ETV6: variants seen among roughly 807,000 people sequenced by gnomAD.
ETV6 encodes ETS variant transcription factor 6, also known as transcription factor ETV6.
A neutral mutation model predicts 51.1 loss-of-function variants in ETV6; 16 were observed. The observed-to-expected ratio is 0.31, with a 90% CI of 0.21 to 0.48. The LOEUF (loss-of-function observed/expected upper bound fraction) is 0.48. Ranked by LOEUF, ETV6 falls within the 20% of genes least tolerant of loss-of-function variation. The probability of loss-of-function intolerance (pLI) is 0.99; values close to 1 mark genes in which losing one functional copy is unlikely to be tolerated. For synonymous variants in ETV6, 240 were observed against 224.1 expected (o/e 1.07, Z -0.64); for missense variants, 458 against 594.8 (o/e 0.77, Z 2.39).
intron 1 of ETV6, among the ~76,000 whole-genome samples, chr12:11,651,322 G>A (rs141305364): frequency 2.6e-5 from 4 of 152,224 alleles, no homozygotes; most frequent in African/African-American, 9.6e-5. Context: ...ACCCTTCCTG[G>A]TTTAACACTG....
chr12:11,733,952 T>C lies in ETV6; in HGVS notation c.34-18498T>C, dbSNP rs573031355. ...TAATCAAAAGAAGCAAATACATGTT[T>C]TTCCCTTGAGAAAACATGGATAGTG... On this transcript the variant is annotated intron_variant, in intron 1 of 7. Transcript: ENST00000396373. Among the ~76,000 whole-genome samples the C allele has an allele frequency of 2.7e-4, 41 of 152,340 alleles. No homozygotes were observed. In the South Asian group the frequency reaches 7.7e-3, roughly 28 times the overall value.
intron 2 of ETV6, among the ~76,000 whole-genome samples, chr12:11,766,684 A>G (rs1421398895): frequency 6.6e-6 from 1 of 151,700 alleles, no homozygotes; most frequent in Non-Finnish European, 1.5e-5. Flanking sequence ...TGACAGCCCT[A>G]TGCTGCCAAG....
At chr12:11,753,354 C>T (rs115720276) in intron 2 of ETV6, among the ~76,000 whole-genome samples, 2 of 152,186 alleles carry the variant, frequency 1.3e-5, no homozygotes, top group African/African-American at 4.8e-5. Flanking sequence ...CTCATACTGC[C>T]ACCCAGCTCA....
chr12:11,763,783 G>A (rs1945125857), intron 2 of ETV6, among the ~76,000 whole-genome samples: 1 of 152,262 alleles, frequency 6.6e-6, no homozygotes, highest in African/African-American at 2.4e-5. Context: ...GCACTGTGCA[G>A]ACGCTGTGTA....
intron 1 of ETV6, among the ~76,000 whole-genome samples, chr12:11,750,500 T>A (rs756751147): frequency 1.3e-5 from 2 of 152,206 alleles, no homozygotes; most frequent in Non-Finnish European, 1.5e-5. Flanking sequence ...CGAAATGCTG[T>A]CTTGTTTTTT....
At chr12:11,718,042 A>T (rs1370683698) in intron 1 of ETV6, among the ~76,000 whole-genome samples, 3 of 152,222 alleles carry the variant, frequency 2.0e-5, no homozygotes, top group Admixed American at 2.0e-4. Context: ...ATGGGGGGAA[A>T]GTCAGGTTTT....
intron 1 of ETV6, among the ~76,000 whole-genome samples, chr12:11,689,733 G>A (rs538181168): frequency 2.7e-5 from 4 of 150,502 alleles, no homozygotes; most frequent in African/African-American, 4.9e-5. Context: ...ATGTATTTCC[G>A]CATTCTGGTT....
In ETV6 at chr12:11,869,320, C is replaced by T. The variant is rs2136538930; in HGVS notation, c.464-104C>T. On this transcript the variant is annotated intron_variant, in intron 4 of 7. Transcript: ENST00000396373. This position sits in a 1 kb window ranked among gnomAD's most constrained non-coding sequence, Gnocchi z 5.0. Reference sequence around the variant, plus strand: ...GCATTCTGGGGAGAAAGGTCCTTTACACATACCTACACGCTCCTCCATTTA... The same window carrying T: ...GCATTCTGGGGAGAAAGGTCCTTTATACATACCTACACGCTCCTCCATTTA... 1.0e-6 allele frequency: 1 copy of T among 970,204 alleles called. No homozygotes were observed. The highest frequency in any genetic ancestry group is 1.5e-6 in the Non-Finnish European group (1 of 645,578). The allele number at this position is 970,204 out of a possible 1,614,324, so 60.1% of individuals were successfully genotyped here. A position where few individuals can be genotyped will look rare whatever the true frequency, so the allele number is the denominator to read the frequency against.
intron 2 of ETV6, among the ~76,000 whole-genome samples, chr12:11,808,908 A>T (rs971598192): frequency 5.3e-5 from 8 of 152,230 alleles, no homozygotes; most frequent in Non-Finnish European, 8.8e-5. Flanking sequence ...TCACACCTGT[A>T]ATCCCAGCAC....
At chr12:11,755,540 C>T (rs1030034653) in intron 2 of ETV6, among the ~76,000 whole-genome samples, 14 of 152,142 alleles carry the variant, frequency 9.2e-5, no homozygotes, top group African/African-American at 2.9e-4. Flanking sequence ...CTCCCGCTCC[C>T]GTTTCAGGGT....
chr12:11,722,187 C>A (rs1315117676), intron 1 of ETV6, among the ~76,000 whole-genome samples: 1 of 152,178 alleles, frequency 6.6e-6, no homozygotes, highest in Non-Finnish European at 1.5e-5. Flanking sequence ...TAATTCTTCT[C>A]CCACCAAGTC....
At chr12:11,727,433 G>A (rs1865511696) in intron 1 of ETV6, among the ~76,000 whole-genome samples, 1 of 152,190 alleles carries the variant, frequency 6.6e-6, no homozygotes, top group African/African-American at 2.4e-5. Context: ...TCTATTTGTG[G>A]TATCTGTTCC....
intron 2 of ETV6, among the ~76,000 whole-genome samples, chr12:11,789,123 C>G (rs536681827): frequency 6.6e-6 from 1 of 152,238 alleles, no homozygotes; most frequent in East Asian, 1.9e-4. Flanking sequence ...ACCTCTGCCT[C>G]TCAGGTTCAA....
At chr12:11,724,903 G>A (rs1041979797) in intron 1 of ETV6, among the ~76,000 whole-genome samples, 3 of 152,182 alleles carry the variant, frequency 2.0e-5, no homozygotes, top group Non-Finnish European at 2.9e-5. Context: ...CAGAGTTTCG[G>A]TTGTGGCTGC....
chr12:11,850,350 T>A lies in ETV6; in HGVS notation c.329-3077T>A, dbSNP rs1157406920. Among the ~76,000 whole-genome samples, 4 of 152,022 alleles carry A rather than the reference T, an allele frequency of 2.6e-5. No individual in the cohort carries two copies. The South Asian group carries it at 8.3e-4, about 32-fold the overall frequency. On this transcript the variant is annotated intron_variant, in intron 3 of 7. Transcript: ENST00000396373. ...ACCCCCAGAGGCTTAGCCCACCAGG[T>A]CAGGATGAGACGTCCAGAGAACCCA...
intron 2 of ETV6, among the ~76,000 whole-genome samples, chr12:11,835,921 G>A (rs75859890): frequency 0.013 from 2,045 of 152,314 alleles, 54 homozygotes; most frequent in African/African-American, 0.047. Flanking sequence ...CCTTGGGCAA[G>A]TCCCTTAAAT....
At chr12:11,867,177 C>A (rs1305895686) in intron 4 of ETV6, among the ~76,000 whole-genome samples, 6 of 152,162 alleles carry the variant, frequency 3.9e-5, no homozygotes, top group African/African-American at 1.2e-4. Flanking sequence ...TCTTTCATTT[C>A]TACCCGTAAG....
chr12:11,729,762 A>G (rs1285288003), intron 1 of ETV6, among the ~76,000 whole-genome samples: 1 of 152,196 alleles, frequency 6.6e-6, no homozygotes, highest in Non-Finnish European at 1.5e-5. Context: ...TGTTCTCTCA[A>G]CAAAACAACC....
intron 1 of ETV6, among the ~76,000 whole-genome samples, chr12:11,740,268 T>TA (rs1865785817): frequency 1.3e-5 from 2 of 152,136 alleles, no homozygotes; most frequent in Non-Finnish European, 2.9e-5. Flanking sequence ...TGAAAGGAAA[T>TA]ATTAGTGCTC....
Sources: gnomAD v4.1 joint callset for allele counts (sites outside exome capture counted in the v4.1 genomes callset) on GRCh38, gnomAD v4.1.1 for gene constraint, Gnocchi (gnomAD v3.1) non-coding constraint, MANE v1.5 for transcripts, NCBI Gene and HGNC (gene_info 2026-07-23, HGNC 2026-07-21) for gene names.